Variants in GNAO1 observed in about 807,000 individuals in gnomAD.
The protein encoded by GNAO1 is guanine nucleotide-binding protein G(o) subunit alpha.
For synonymous variants in GNAO1, 164 were observed against 180.7 expected, an observed-to-expected ratio of 0.91 and a Z score of 0.74; for missense variants, 166 against 478.7, an observed-to-expected ratio of 0.35 and a Z score of 6.10.
chr16:56,218,858 T>G (rs1283932376), intron 2 of GNAO1, among the ~76,000 whole-genome samples: 3 of 152,190 alleles, frequency 2.0e-5, no homozygotes, highest in African/African-American at 7.2e-5. Flanking sequence ...CACGGAAGCC[T>G]TCTTTGAACC....
At chr16:56,330,706 G>A (rs1331578045) in intron 4 of GNAO1, among the ~76,000 whole-genome samples, 1 of 152,110 alleles carries the variant, frequency 6.6e-6, no homozygotes. Flanking sequence ...CTTCACCTCC[G>A]GCTTTTTGCT....
chr16:56,196,580 T>G (rs2036235600), intron 2 of GNAO1, among the ~76,000 whole-genome samples: 1 of 152,304 alleles, frequency 6.6e-6, no homozygotes, highest in South Asian at 2.1e-4. Context: ...AAATGTAAAA[T>G]GGACTGCGGA....
intron 2 of GNAO1, among the ~76,000 whole-genome samples, chr16:56,237,183 C>T (rs1243089074): frequency 1.3e-5 from 2 of 152,120 alleles, no homozygotes; most frequent in Non-Finnish European, 2.9e-5. Context: ...TGCTATCAAC[C>T]AGTGCAAATT....
chr16:56,268,454 A>G lies in GNAO1; in HGVS notation c.162-7477A>G, dbSNP rs192713878. Among the ~76,000 whole-genome samples, 411 of 152,340 alleles carry G rather than the reference A, an allele frequency of 2.7e-3. 3 individuals are homozygous for G. The highest frequency in any genetic ancestry group is 2.0e-3 in the Non-Finnish European group (137 of 68,024). On this transcript the variant is annotated intron_variant, in intron 2 of 8. Coordinates refer to ENST00000262493, the MANE Select transcript of GNAO1 (RefSeq NM_020988.3). The stretch of plus-strand genomic sequence containing the variant: ...AGGCTGAACCCAAATGTGTCACTCC[A>G]GGAGATTCGTATTGATCAATGACTC...
intron 2 of GNAO1, among the ~76,000 whole-genome samples, chr16:56,275,098 A>G (rs1298569544): frequency 6.6e-6 from 1 of 152,246 alleles, no homozygotes; most frequent in Non-Finnish European, 1.5e-5. Flanking sequence ...AAATATGACC[A>G]CAGAAGAGTT....
chr16:56,277,952 T>C (rs1295573795), intron 3 of GNAO1, among the ~76,000 whole-genome samples: 1 of 152,200 alleles, frequency 6.6e-6, no homozygotes, highest in Non-Finnish European at 1.5e-5. Flanking sequence ...TTGGAATACT[T>C]TTCTCCTTCC....
chr16:56,355,116 G>T (rs1233765127), intron 8 of GNAO1, 35 bp downstream of exon 8: 19 of 878,556 alleles, frequency 2.2e-5, no homozygotes, highest in Non-Finnish European at 1.8e-6. Context: ...CAGCTTGCGT[G>T]CGCGCGCATA....
intron 2 of GNAO1, among the ~76,000 whole-genome samples, chr16:56,259,395 G>C (rs565211419): frequency 0.043 from 6,544 of 152,252 alleles, 304 homozygotes; most frequent in African/African-American, 0.11. Context: ...GAAATTATGT[G>C]TATTCTACCC....
chr16:56,348,591 T>A (rs1184580796), intron 6 of GNAO1, among the ~76,000 whole-genome samples: 1 of 152,176 alleles, frequency 6.6e-6, no homozygotes, highest in Non-Finnish European at 1.5e-5. Context: ...CTGACTTCTT[T>A]CTCTTTTCTC....
At chr16:56,339,275 C>T (rs1434168618) in intron 6 of GNAO1, among the ~76,000 whole-genome samples, 1 of 152,264 alleles carries the variant, frequency 6.6e-6, no homozygotes, top group Non-Finnish European at 1.5e-5. Flanking sequence ...GGGCAACCGC[C>T]CCACCCTGCC....
chr16:56,233,067 T>G lies in GNAO1; in HGVS notation c.161+40451T>G, dbSNP rs1164146457. Among the ~76,000 whole-genome samples the G allele has an allele frequency of 2.6e-5, 4 of 152,238 alleles. No homozygotes were observed. In the East Asian group the frequency reaches 7.7e-4, roughly 29 times the overall value. On this transcript the variant is annotated intron_variant, in intron 2 of 8. Transcript: ENST00000262493. Reference sequence around the variant, plus strand: ...CATTGCACTGAATGGATTTGAATCCTGCCATCACCAGGCATCATTACTTAA... The same window carrying G: ...CATTGCACTGAATGGATTTGAATCCGGCCATCACCAGGCATCATTACTTAA...
chr16:56,261,377 G>A (rs116587719), intron 2 of GNAO1, among the ~76,000 whole-genome samples: 1,767 of 152,320 alleles, frequency 0.012, 40 homozygotes, highest in African/African-American at 0.041. Flanking sequence ...AGGCACGTGT[G>A]CCAAGCAGCC....
chr16:56,285,919 A>G (rs2037162148), intron 3 of GNAO1, among the ~76,000 whole-genome samples: 1 of 152,164 alleles, frequency 6.6e-6, no homozygotes, highest in Admixed American at 6.5e-5. Flanking sequence ...CCCTTTGTGG[A>G]TGTATAATCC....
At chr16:56,245,852 T>G (rs139134124) in intron 2 of GNAO1, among the ~76,000 whole-genome samples, 2 of 152,096 alleles carry the variant, frequency 1.3e-5, no homozygotes, top group Admixed American at 1.3e-4. Flanking sequence ...TTATAAAAAT[T>G]GTGAAAAGTG....
Position 56,275,912 on chromosome 16 carries a change from G to A in GNAO1, c.162-19G>A, listed in dbSNP as rs1567465544. 1.2e-6 allele frequency: 2 copies of A among 1,607,830 alleles called. No individual in the cohort carries two copies. The highest frequency in any genetic ancestry group is 1.7e-6 in the Non-Finnish European group (2 of 1,176,568). The stretch of plus-strand genomic sequence containing the variant: ...GGACAATGCTCTCATCAGGTGTGGT[G>A]TGTGTGGTTTTTCTCTAGGATCATC... On this transcript the variant is annotated intron_variant, in intron 2 of 8. Coordinates refer to ENST00000262493, the MANE Select transcript of GNAO1 (RefSeq NM_020988.3).
intron 6 of GNAO1, among the ~76,000 whole-genome samples, chr16:56,337,350 G>C (rs1223466239): frequency 3.9e-5 from 6 of 152,222 alleles, no homozygotes; most frequent in Non-Finnish European, 5.9e-5. Flanking sequence ...GAGTTGCGTG[G>C]GGTTGGGGGT....
intron 3 of GNAO1, among the ~76,000 whole-genome samples, chr16:56,293,003 C>T (rs2037246961): frequency 6.6e-6 from 1 of 152,190 alleles, no homozygotes; most frequent in South Asian, 2.1e-4. Context: ...CGAGCCAACT[C>T]CCCTGTGGTC....
At chr16:56,336,692 G>A (rs1225362972) in intron 5 of GNAO1, 39 bp from the exon 6 acceptor site, 2 of 1,576,684 alleles carry the variant, frequency 1.3e-6, no homozygotes, top group African/African-American at 1.3e-5. Context: ...GCCCTCACCT[G>A]CCTGGACCCT....
intron 2 of GNAO1, among the ~76,000 whole-genome samples, chr16:56,223,387 A>G (rs2036507965): frequency 6.6e-6 from 1 of 152,124 alleles, no homozygotes. Flanking sequence ...CTCTTCCTCC[A>G]TTGTTATATC....
Sources: allele counts gnomAD v4.1 joint callset (sites outside exome capture counted in the v4.1 genomes callset), GRCh38; gene constraint gnomAD v4.1.1; transcripts MANE v1.5; gene names NCBI Gene and HGNC (gene_info 2026-07-23, HGNC 2026-07-21).